The following ASTN2 variants were observed in gnomAD, a reference collection of about 807,000 sequenced individuals.
ASTN2 encodes astrotactin-2.
Under a neutral mutation model 139.8 loss-of-function variants are expected in ASTN2, and 54 were observed. That is an observed-to-expected ratio of 0.39 (90% CI 0.31 to 0.48). ASTN2 has a LOEUF of 0.48. Among genes scored for constraint, ASTN2 ranks in the 20% least tolerant of loss-of-function variants. The pLI is 0.95. For synonymous variants in ASTN2, 756 were observed against 719.5 expected (o/e 1.05, Z -0.81); for missense variants, 1,565 against 1,725.1 (o/e 0.91, Z 1.64).
chr9:116,901,495 T>A (rs1298215871), intron 10 of ASTN2, among the ~76,000 whole-genome samples: 2 of 152,222 alleles, frequency 1.3e-5, no homozygotes, highest in African/African-American at 4.8e-5. Context: ...AAAATTCCTG[T>A]TGCTTAATGA....
intron 19 of ASTN2, among the ~76,000 whole-genome samples, chr9:116,529,221 G>A (rs952554862): frequency 2.6e-5 from 4 of 152,242 alleles, no homozygotes; most frequent in South Asian, 2.1e-4. Context: ...TGGAGTACCC[G>A]AGGCCTTGGG....
chr9:116,897,989 G>A (rs1833918775), intron 10 of ASTN2, among the ~76,000 whole-genome samples: 1 of 152,122 alleles, frequency 6.6e-6, no homozygotes, highest in African/African-American at 2.4e-5. Context: ...AGTGATTTTA[G>A]TTATAGTGAT....
At chr9:117,198,233 T>C (rs1361333939) in intron 3 of ASTN2, among the ~76,000 whole-genome samples, 1 of 152,094 alleles carries the variant, frequency 6.6e-6, no homozygotes, top group East Asian at 1.9e-4. Flanking sequence ...TCTGTGTTCA[T>C]GCATTCTCAA....
intron 10 of ASTN2, among the ~76,000 whole-genome samples, chr9:116,948,793 T>TTTTTGTTTTTTTTTTTTTG (rs1564355618): frequency 8.5e-6 from 1 of 117,492 alleles, no homozygotes; most frequent in East Asian, 2.2e-4. Context: ...GTGTTTTTTT[T>TTTTTGTTTTTTTTTTTTTG]TTTTTTTTTT....
At chr9:117,041,118 G>A (rs2132650551) in intron 5 of ASTN2, among the ~76,000 whole-genome samples, 1 of 152,224 alleles carries the variant, frequency 6.6e-6, no homozygotes, top group South Asian at 2.1e-4. Context: ...AAGTAGATTG[G>A]ATCTGCACAG....
At chr9:116,670,766 T>C (rs956018560) in intron 16 of ASTN2, among the ~76,000 whole-genome samples, 3 of 152,278 alleles carry the variant, frequency 2.0e-5, no homozygotes, top group African/African-American at 7.2e-5. Flanking sequence ...GCAGCCTTCA[T>C]TTAGCATTAA....
At position 116,799,232 on chromosome 9, in the gene ASTN2, G is replaced by A. The variant is rs192197927; in HGVS notation, c.2396+6400C>T. On this transcript the variant is annotated intron_variant, in intron 13 of 22. Transcript: ENST00000313400. ...AGAACTGACTCAGTATCCTCAGTGG[G>A]GGAATGAGTGAGTGCTACTAACAAA... is the stretch of plus-strand genomic sequence containing the variant. Among the ~76,000 whole-genome samples, 156 of 152,124 alleles carry A rather than the reference G, an allele frequency of 1.0e-3. 1 individual carries two copies. The highest frequency in any genetic ancestry group is 1.8e-3 in the Non-Finnish European group (122 of 67,990).
chr9:117,189,326 G>A (rs1283825234), intron 3 of ASTN2, among the ~76,000 whole-genome samples: 1 of 152,060 alleles, frequency 6.6e-6, no homozygotes, highest in Admixed American at 6.6e-5. Flanking sequence ...CAAGACAAAG[G>A]CATGGGCTGG....
At chr9:117,040,741 A>T (rs946615439) in intron 5 of ASTN2, among the ~76,000 whole-genome samples, 1 of 152,158 alleles carries the variant, frequency 6.6e-6, no homozygotes, top group Admixed American at 6.5e-5. Flanking sequence ...TTACAGGCAT[A>T]AGCCACCACT....
intron 19 of ASTN2, among the ~76,000 whole-genome samples, chr9:116,518,457 C>T (rs771660802): frequency 1.3e-5 from 2 of 152,120 alleles, no homozygotes; most frequent in East Asian, 3.9e-4. Context: ...CAAACAAATG[C>T]TGACAGAATT....
chr9:117,214,643 C>A lies in ASTN2; in HGVS notation c.730G>T (p.Ala244Ser). 1.3e-6 allele frequency: 2 copies of A among 1,575,166 alleles called. No individual in the cohort carries two copies. Among genetic ancestry groups the A allele is most frequent in the South Asian group, 1.2e-5 (1 of 86,590 alleles). Residue 244 changes from alanine to serine, a missense_variant, in exon 3 of 23, where the codon GCA becomes TCA. Ala to Ser is a moderately conservative substitution (Grantham distance 99). Around this residue, in one of 4 missense-constraint regions of ASTN2, gnomAD observed 596 missense variants for 576.8 expected, o/e 1.03. Transcript: ENST00000313400. ...ATCTCATGAGTGGCTTCTGTGCTTG[C>A]GCTCTTCTGGGGGATGCGGCGACGC... is the stretch of plus-strand genomic sequence containing the variant. Reference protein sequence around the residue: ...QKRRRIPQKSASTEATHEIHY... With the variant: ...QKRRRIPQKSSSTEATHEIHY...
At chr9:117,292,692 G>A (rs756455661) in intron 1 of ASTN2, among the ~76,000 whole-genome samples, 9 of 152,012 alleles carry the variant, frequency 5.9e-5, no homozygotes, top group African/African-American at 9.7e-5. Context: ...AAGACCTCGA[G>A]TGCATTCACA....
intron 6 of ASTN2, among the ~76,000 whole-genome samples, chr9:117,009,142 G>A (rs1837442023): frequency 1.3e-5 from 2 of 152,088 alleles, no homozygotes; most frequent in South Asian, 4.1e-4. Context: ...AAGGCTAGTG[G>A]CACTAGATCT....
At chr9:117,262,148 T>C (rs1441918269) in intron 2 of ASTN2, among the ~76,000 whole-genome samples, 1 of 152,176 alleles carries the variant, frequency 6.6e-6, no homozygotes, top group East Asian at 1.9e-4. Context: ...ATAAAATTTA[T>C]ACCATTAGCA....
intron 10 of ASTN2, among the ~76,000 whole-genome samples, chr9:116,914,543 G>C (rs1834391841): frequency 7.6e-6 from 1 of 131,862 alleles, no homozygotes; most frequent in Non-Finnish European, 1.6e-5. Flanking sequence ...ACACTGTAAA[G>C]TGTTTTATTA....
At chr9:116,619,166 C>T (rs891092231) in intron 18 of ASTN2, among the ~76,000 whole-genome samples, 13 of 152,064 alleles carry the variant, frequency 8.5e-5, no homozygotes, top group Admixed American at 8.5e-4. Flanking sequence ...CTTCAAAGAC[C>T]ATCTTATAAC....
At chr9:116,440,476 T>C in intron 22 of ASTN2, 133 bp downstream of exon 22, 2 of 821,868 alleles carry the variant, frequency 2.4e-6, no homozygotes, top group South Asian at 4.0e-5. Context: ...ATCTTTAGCC[T>C]TGACACGACC....
chr9:117,045,257 CAAA>C (rs56993648), intron 5 of ASTN2, among the ~76,000 whole-genome samples: 22,244 of 131,634 alleles, frequency 0.17, 1,834 homozygotes, highest in African/African-American at 0.2. Flanking sequence ...ATGTAATTAG[CAAA>C]AAAAAAAAAA....
At chr9:117,326,139 C>T (rs1828508025) in intron 1 of ASTN2, among the ~76,000 whole-genome samples, 2 of 152,024 alleles carry the variant, frequency 1.3e-5, no homozygotes, top group South Asian at 2.1e-4. Flanking sequence ...TGAAAATTCT[C>T]ATTTTTTTCT....
Sources: allele counts gnomAD v4.1 joint callset (sites outside exome capture counted in the v4.1 genomes callset), GRCh38; gene constraint gnomAD v4.1.1; regional missense constraint gnomAD v4.1.1; transcripts MANE v1.5; gene names NCBI Gene and HGNC (gene_info 2026-07-23, HGNC 2026-07-21).